CATSPERD: variants seen among roughly 807,000 people sequenced by gnomAD.
CATSPERD encodes catsper channel auxiliary subunit delta, also known as cation channel sperm-associated auxiliary subunit delta.
In CATSPERD, 86 loss-of-function variants were observed where a neutral mutation model predicts 98.1. The observed-to-expected ratio is 0.88, with a 90% CI of 0.74 to 1.05. The LOEUF (loss-of-function observed/expected upper bound fraction) is 1.05, where lower values mean the gene tolerates loss of function less well. Among genes scored for constraint, CATSPERD ranks in the 50% least tolerant of loss-of-function variants. The pLI is 0.00. For missense variants in CATSPERD, 995 were observed against 1,005.7 expected (o/e 0.99, Z 0.14); for synonymous variants, 394 against 390.2 (o/e 1.01, Z -0.12).
chr19:5,775,795 G>C (rs142338272), intron 20 of CATSPERD, among the ~76,000 whole-genome samples: 16 of 152,256 alleles, frequency 1.1e-4, no homozygotes, highest in African/African-American at 3.6e-4. Context: ...CACTGTGCCT[G>C]GCTCGTGACC....
In CATSPERD at chr19:5,733,347, T is replaced by TCCTTTCTTTCTTTCTTC. The variant is rs2055769766; in HGVS notation, c.277-508_277-507insCTTTCTTTCTTTCTTCC. 2.2e-5 allele frequency among the ~76,000 whole-genome samples: 3 copies of TCCTTTCTTTCTTTCTTC among 135,252 alleles called. No homozygotes were observed. The Admixed American group carries it at 2.5e-4, about 11-fold the overall frequency. 88.7% of individuals were successfully genotyped at this position (135,252 alleles called of 152,430 possible). A position where few individuals can be genotyped will look rare whatever the true frequency, so the allele number is the denominator to read the frequency against. On this transcript the variant is annotated intron_variant, in intron 4 of 21. Coordinates refer to ENST00000381624, the MANE Select transcript of CATSPERD (RefSeq NM_152784.4). The stretch of plus-strand genomic sequence containing the variant: ...TCTTTCTTTCTTTCCTTTCTTTCTT[T>TCCTTTCTTTCTTTCTTC]CTTCCTTCCTTCCCTCCTTCCTTCC...
intron 7 of CATSPERD, among the ~76,000 whole-genome samples, chr19:5,741,889 G>A (rs2055980473): frequency 6.8e-6 from 1 of 147,138 alleles, no homozygotes; most frequent in African/African-American, 2.5e-5. Context: ...AAATTAGCTG[G>A]GTGTGGCGGC....
At chr19:5,756,555 C>A (rs78771052) in intron 13 of CATSPERD, among the ~76,000 whole-genome samples, 1 of 152,030 alleles carries the variant, frequency 6.6e-6, no homozygotes, top group Non-Finnish European at 1.5e-5. Flanking sequence ...GGTGGAAGGG[C>A]GAGTGGGTTT....
intron 13 of CATSPERD, among the ~76,000 whole-genome samples, chr19:5,755,788 T>C (rs975288469): frequency 6.7e-6 from 1 of 148,624 alleles, no homozygotes; most frequent in Non-Finnish European, 1.5e-5. Flanking sequence ...AATAAATAAA[T>C]AAATAAATAA....
chr19:5,769,089 G>T (rs1280420511), intron 18 of CATSPERD, among the ~76,000 whole-genome samples: 1 of 151,826 alleles, frequency 6.6e-6, no homozygotes, highest in Non-Finnish European at 1.5e-5. Context: ...GGGAGGCAGA[G>T]GTTGCAGTGA....
At chr19:5,749,010 G>A (rs1041727370) in intron 10 of CATSPERD, 91 bp from the exon 11 acceptor site, 16 of 1,054,934 alleles carry the variant, frequency 1.5e-5, no homozygotes, top group East Asian at 2.8e-5. Flanking sequence ...AATTACAGGC[G>A]TGAGCCACTG....
In CATSPERD at chr19:5,724,558, G is replaced by C. The variant is rs186179002; in HGVS notation, c.72-250G>C. 3.5e-3 allele frequency among the ~76,000 whole-genome samples: 531 copies of C among 152,286 alleles called. 2 individuals are homozygous for C. The highest frequency in any genetic ancestry group is 4.4e-3 in the Admixed American group (68 of 15,288). On this transcript the variant is annotated intron_variant, in intron 1 of 21. Transcript: ENST00000381624. ...ACTAAAAATATAAAAAATTAGCTAG[G>C]TGTTGTGGCGCGCGCCTGTAATCCC...
At chr19:5,735,597 C>T (rs573670636) in intron 5 of CATSPERD, among the ~76,000 whole-genome samples, 23 of 151,636 alleles carry the variant, frequency 1.5e-4, no homozygotes, top group African/African-American at 4.4e-4. Flanking sequence ...CTCAGCCTCC[C>T]GAGTAGCTAG....
At chr19:5,756,912 C>A (rs528816878) in intron 13 of CATSPERD, among the ~76,000 whole-genome samples, 1 of 151,414 alleles carries the variant, frequency 6.6e-6, no homozygotes, top group Non-Finnish European at 1.5e-5. Context: ...CACTGCACTG[C>A]AGCCTGGGTG....
chr19:5,766,328 G>A (rs1426208916), intron 17 of CATSPERD, among the ~76,000 whole-genome samples, 173 bp downstream of exon 17: 1 of 149,870 alleles, frequency 6.7e-6, no homozygotes, highest in Admixed American at 6.7e-5. Context: ...GCAGACACCT[G>A]CAATCTCGGC....
intron 11 of CATSPERD, 116 bp from the exon 12 acceptor site, chr19:5,751,531 C>CAAAAAAAAAAA (rs57266365): frequency 1.3e-4 from 20 of 155,712 alleles, no homozygotes; most frequent in African/African-American, 1.2e-3. Context: ...GAGACTCCAT[C>CAAAAAAAAAAA]AAAAAAAAAA....
At chr19:5,757,764 C>A in intron 13 of CATSPERD, 79 bp from the exon 14 acceptor site, 1 of 1,054,228 alleles carries the variant, frequency 9.5e-7, no homozygotes, top group Non-Finnish European at 1.4e-6. Context: ...TGAAGGTGTG[C>A]TGGGCTCACT....
At chr19:5,749,706 G>A (rs747926973) in intron 11 of CATSPERD, among the ~76,000 whole-genome samples, 5 of 152,024 alleles carry the variant, frequency 3.3e-5, no homozygotes, top group Non-Finnish European at 7.3e-5. Context: ...TGGAAAAACT[G>A]AGGCACAGAG....
At chr19:5,758,573 CAAAAAAA>C (rs71172762) in intron 14 of CATSPERD, among the ~76,000 whole-genome samples, 1 of 109,656 alleles carries the variant, frequency 9.1e-6, no homozygotes, top group South Asian at 3.0e-4. Flanking sequence ...ACTAAAAATA[CAAAAAAA>C]AAAAAAAAAA....
Position 5,770,931 on chromosome 19 carries a change from T to G in CATSPERD, c.1635-13T>G, listed in dbSNP as rs2056631587. On this transcript the variant is annotated splice_polypyrimidine_tract_variant and intron_variant, in intron 18 of 21. Transcript: ENST00000381624. ...TCACAGACTCCCCATCTCTGCTTCTTGGTGTCTTGAAGGGAATTCTACGAC... is the reference window on the plus strand; with the variant it reads ...TCACAGACTCCCCATCTCTGCTTCTGGGTGTCTTGAAGGGAATTCTACGAC... 1 of 1,596,434 alleles carries G rather than the reference T, an allele frequency of 6.3e-7. No homozygotes were observed. Among genetic ancestry groups the G allele is most frequent in the Non-Finnish European group, 8.5e-7 (1 of 1,172,716 alleles).
chr19:5,724,569 C>T (rs1406861303), intron 1 of CATSPERD, among the ~76,000 whole-genome samples: 1 of 152,114 alleles, frequency 6.6e-6, no homozygotes, highest in East Asian at 1.9e-4. Flanking sequence ...TGTTGTGGCG[C>T]GCGCCTGTAA....
intron 7 of CATSPERD, among the ~76,000 whole-genome samples, chr19:5,743,218 G>A (rs1240109607): frequency 4.6e-5 from 7 of 152,016 alleles, no homozygotes; most frequent in African/African-American, 1.2e-4. Flanking sequence ...CAGGAGAATC[G>A]ATTGAACCCA....
intron 19 of CATSPERD, chr19:5,772,565 A>G (rs931346886): frequency 3.8e-6 from 2 of 524,628 alleles, no homozygotes; most frequent in Non-Finnish European, 6.8e-6. Context: ...ATCAATGCTC[A>G]GTGCTGGCTG....
chr19:5,732,494 G>A lies in CATSPERD; in HGVS notation c.277-1362G>A, dbSNP rs142367622. ...GTCGCCTAGGCTGGAGTGCAGTGGC[G>A]TGATCTCAGCTCACTGCAACCTCCA... is the stretch of plus-strand genomic sequence containing the variant. On this transcript the variant is annotated intron_variant, in intron 4 of 21. Transcript: ENST00000381624. Among the ~76,000 whole-genome samples the A allele has an allele frequency of 3.3e-3, 505 of 150,906 alleles. 4 individuals are homozygous for A. Among genetic ancestry groups the A allele is most frequent in the African/African-American group, 0.012 (478 of 41,116 alleles).
Sources: allele counts gnomAD v4.1 joint callset (sites outside exome capture counted in the v4.1 genomes callset), GRCh38; gene constraint gnomAD v4.1.1; transcripts MANE v1.5; gene names NCBI Gene and HGNC (gene_info 2026-07-23, HGNC 2026-07-21).